The following NAALADL2 variants were observed in gnomAD, a reference collection of about 807,000 sequenced individuals.
NAALADL2 encodes the protein N-acetylated alpha-linked acidic dipeptidase like 2.
A neutral mutation model predicts 87.2 loss-of-function variants in NAALADL2; 76 were observed. The observed-to-expected ratio is 0.87, with a 90% CI of 0.72 to 1.05. The LOEUF (loss-of-function observed/expected upper bound fraction) is 1.05. Among genes scored for constraint, NAALADL2 ranks in the 50% least tolerant of loss-of-function variants. NAALADL2 has a pLI of 0.00. For synonymous variants in NAALADL2, 354 were observed against 331.0 expected (o/e 1.07, Z -0.75); for missense variants, 1,089 against 945.8 (o/e 1.15, Z -1.99).
chr3:175,250,939 C>G (rs1442440287), intron 3 of NAALADL2, among the ~76,000 whole-genome samples: 1 of 152,064 alleles, frequency 6.6e-6, no homozygotes, highest in East Asian at 1.9e-4. Context: ...TAAACAACAT[C>G]TTTGTCTGAG....
intron 1 of NAALADL2, among the ~76,000 whole-genome samples, chr3:174,511,028 TTTAA>T (rs1178129787): frequency 6.6e-6 from 1 of 152,044 alleles, no homozygotes; most frequent in African/African-American, 2.4e-5. Flanking sequence ...TGATTTATAA[TTTAA>T]TTCTGTTATG....
intron 5 of NAALADL2, among the ~76,000 whole-genome samples, chr3:175,398,344 C>CTTTTGTT (rs71920464): frequency 1.8e-5 from 2 of 112,086 alleles, no homozygotes; most frequent in Non-Finnish European, 1.8e-5. Context: ...GCTTCTGCTA[C>CTTTTGTT]TTTTTTTTTT....
chr3:175,709,463 C>T (rs1290179338), intron 11 of NAALADL2, among the ~76,000 whole-genome samples: 1 of 152,050 alleles, frequency 6.6e-6, no homozygotes, highest in East Asian at 1.9e-4. Flanking sequence ...AAAAAGTATA[C>T]TTTGTTTACA....
chr3:174,786,725 T>G (rs916476293), intron 3 of NAALADL2, among the ~76,000 whole-genome samples: 5 of 152,104 alleles, frequency 3.3e-5, no homozygotes, highest in African/African-American at 1.2e-4. Flanking sequence ...TATATAAATG[T>G]CATAGGTCTT....
At position 175,541,743 on chromosome 3, in the gene NAALADL2, G is replaced by A. The variant is rs530066120; in HGVS notation, c.1654-34298G>A. On this transcript the variant is annotated intron_variant, in intron 9 of 13. Transcript: ENST00000454872. ...CTCTGCTTGTTTGTTTGTTTTTTGA[G>A]ACAGAGTCTTGTTCTGTCACCCAGG... 5.9e-5 allele frequency among the ~76,000 whole-genome samples: 9 copies of A among 152,096 alleles called. No individual in the cohort carries two copies. In the South Asian group the frequency reaches 1.9e-3, roughly 32 times the overall value.
At chr3:175,052,386 G>A (rs1274725776) in intron 1 of NAALADL2, among the ~76,000 whole-genome samples, 1 of 152,094 alleles carries the variant, frequency 6.6e-6, no homozygotes, top group African/African-American at 2.4e-5. Flanking sequence ...TTTGTGGGGG[G>A]GCCTGTTTCC....
intron 1 of NAALADL2, among the ~76,000 whole-genome samples, chr3:174,442,796 A>G (rs1714764944): frequency 6.6e-6 from 1 of 152,200 alleles, no homozygotes; most frequent in Admixed American, 6.5e-5. Flanking sequence ...TAAAGCAGGA[A>G]AAAGAGTGTG....
chr3:175,238,513 C>T (rs1234751953), intron 3 of NAALADL2, among the ~76,000 whole-genome samples: 1 of 151,964 alleles, frequency 6.6e-6, no homozygotes, highest in Admixed American at 6.6e-5. Flanking sequence ...ATTAATAATG[C>T]AAATCTATTA....
chr3:174,876,837 T>C (rs1006443095), intron 1 of NAALADL2, among the ~76,000 whole-genome samples: 1 of 152,092 alleles, frequency 6.6e-6, no homozygotes, highest in Non-Finnish European at 1.5e-5. Flanking sequence ...CAAAATACCA[T>C]AGATTAGATG....
chr3:175,684,460 C>CCAAA (rs1238319094), intron 11 of NAALADL2, among the ~76,000 whole-genome samples: 2 of 151,916 alleles, frequency 1.3e-5, no homozygotes, highest in Non-Finnish European at 2.9e-5. Context: ...TTTCTAAATC[C>CCAAA]CAAACAGCTA....
intron 1 of NAALADL2, among the ~76,000 whole-genome samples, chr3:174,486,263 G>A (rs1310059511): frequency 6.6e-6 from 1 of 152,034 alleles, no homozygotes; most frequent in Non-Finnish European, 1.5e-5. Flanking sequence ...ATACATTGTT[G>A]AGAAGAGCAG....
chr3:175,317,619 A>G (rs2110361322), intron 4 of NAALADL2, among the ~76,000 whole-genome samples: 1 of 152,180 alleles, frequency 6.6e-6, no homozygotes, highest in South Asian at 2.1e-4. Flanking sequence ...GACACCCAAT[A>G]TGTGGTTATA....
intron 2 of NAALADL2, among the ~76,000 whole-genome samples, chr3:174,725,044 G>A (rs985643012): frequency 2.6e-5 from 4 of 152,138 alleles, no homozygotes; most frequent in African/African-American, 9.7e-5. Flanking sequence ...CTGCCTTTCA[G>A]TATTTGAAGA....
intron 2 of NAALADL2, among the ~76,000 whole-genome samples, chr3:175,170,750 A>G (rs1324924221): frequency 6.6e-6 from 1 of 151,572 alleles, no homozygotes; most frequent in Non-Finnish European, 1.5e-5. Context: ...TAAATTATGG[A>G]AATTCATAAC....
At chr3:174,894,964 T>C (rs967001093) in intron 1 of NAALADL2, among the ~76,000 whole-genome samples, 3 of 151,984 alleles carry the variant, frequency 2.0e-5, no homozygotes, top group Admixed American at 1.3e-4. Flanking sequence ...AGGAAAGTGA[T>C]AAATATCTTG....
At chr3:175,617,828 A>C (rs944656731) in intron 10 of NAALADL2, among the ~76,000 whole-genome samples, 2 of 152,172 alleles carry the variant, frequency 1.3e-5, no homozygotes, top group African/African-American at 4.8e-5. Flanking sequence ...TGAGATTCTC[A>C]TCTGATCTCT....
chr3:174,737,295 C>G (rs530124587), intron 2 of NAALADL2, among the ~76,000 whole-genome samples: 1 of 152,364 alleles, frequency 6.6e-6, no homozygotes, highest in African/African-American at 2.4e-5. Context: ...GCCACTGTGC[C>G]TGGCCTGCTT....
chr3:175,473,182 A>G (rs1725147168), intron 9 of NAALADL2, among the ~76,000 whole-genome samples: 1 of 152,172 alleles, frequency 6.6e-6, no homozygotes, highest in Non-Finnish European at 1.5e-5. Context: ...TGCACATCTT[A>G]TAACAGGACT....
chr3:174,503,369 A>G (rs115489517), intron 1 of NAALADL2, among the ~76,000 whole-genome samples: 3,431 of 152,244 alleles, frequency 0.023, 128 homozygotes, highest in African/African-American at 0.079. Flanking sequence ...TATGTTTTTC[A>G]TCTTATTATG....
Sources: gnomAD v4.1 joint callset for allele counts (sites outside exome capture counted in the v4.1 genomes callset) on GRCh38, gnomAD v4.1.1 for gene constraint, MANE v1.5 for transcripts, NCBI Gene and HGNC (gene_info 2026-07-23, HGNC 2026-07-21) for gene names.